The following DCD variants were observed in gnomAD, a reference collection of about 807,000 sequenced individuals.
DCD encodes dermcidin, also known as diffusible survival/evasion peptide.
A neutral mutation model predicts 14.5 loss-of-function variants in DCD; 17 were observed. The observed-to-expected ratio is 1.18, with a 90% CI of 0.81 to 1.76. DCD has a LOEUF of 1.76. DCD is among the 40% of genes most tolerant of loss of function. DCD has a pLI of 0.00. For synonymous variants in DCD, 64 were observed against 54.0 expected, an observed-to-expected ratio of 1.19 and a Z score of -0.82; for missense variants, 139 against 133.4, an observed-to-expected ratio of 1.04 and a Z score of -0.21.
chr12:54,645,865 T>C (rs1958256517), intron 2 of DCD, 158 bp from the exon 3 acceptor site: 4 of 632,556 alleles, frequency 6.3e-6, no homozygotes, highest in Non-Finnish European at 1.1e-5. Flanking sequence ...TGTTAGGTTC[T>C]TTAGCATCCC....
At position 54,647,129 on chromosome 12, in the gene DCD, G is replaced by C; in HGVS notation, c.89C>G (p.Ser30Trp). Residue 30 changes from serine to tryptophan, a missense_variant, in exon 2 of 5, where the codon TCG (serine) becomes TGG (tryptophan). Physicochemically the swap from Ser to Trp is radical, Grantham distance 177 (BLOSUM62 -3). Coordinates refer to ENST00000293371, the MANE Select transcript of DCD (RefSeq NM_053283.4). ...YDPEAASAPG[S>W]GNPCHEASAA... ...GAAGAGAAAGGACTCACGGTTCCCCGATCCTGGGGCAGAGGCGGCCTCTGG... is the reference window on the plus strand; with the variant it reads ...GAAGAGAAAGGACTCACGGTTCCCCCATCCTGGGGCAGAGGCGGCCTCTGG... The C allele has an allele frequency of 2.6e-6, 4 of 1,560,728 alleles. No homozygotes were observed. Among genetic ancestry groups the C allele is most frequent in the Non-Finnish European group, 2.6e-6 (3 of 1,151,564 alleles).
In DCD at chr12:54,645,694, T is replaced by C; in HGVS notation, c.111A>G (p.Ala37=). 1 of 1,614,112 alleles carries C rather than the reference T, an allele frequency of 6.2e-7. No individual in the cohort carries two copies. The highest frequency in any genetic ancestry group is 1.3e-5 in the African/African-American group (1 of 75,060). The change falls in exon 3 of 5, where the codon GCA becomes GCG. Residue 37 remains alanine, a synonymous_variant. Coordinates refer to ENST00000293371, the MANE Select transcript of DCD (RefSeq NM_053283.4). The stretch of plus-strand genomic sequence containing the variant: ...CTGCATTTTCCTTTTGAGCTGCTGA[T>C]GCTTCATGGCAAGCTGCAAGGGTAA... ...APGSGNPCHE[A]SAAQKENAGE...
intron 4 of DCD, 94 bp downstream of exon 4, chr12:54,645,079 G>T: frequency 6.8e-7 from 1 of 1,481,480 alleles, no homozygotes; most frequent in Non-Finnish European, 9.4e-7. Context: ...CAAAGTGAGG[G>T]GTCTTCAATG....
intron 1 of DCD, among the ~76,000 whole-genome samples, 193 bp downstream of exon 1, chr12:54,648,053 G>A (rs913583923): frequency 6.6e-6 from 1 of 152,234 alleles, no homozygotes. Context: ...TGGAGAGCCA[G>A]GCTGGGGCCA....
intron 2 of DCD, 53 bp from the exon 3 acceptor site, chr12:54,645,760 TGGTC>T: frequency 6.6e-7 from 1 of 1,513,114 alleles, no homozygotes; most frequent in East Asian, 2.3e-5. Flanking sequence ...CTTTCCACCC[TGGTC>T]GGGGAGCAGG....
At chr12:54,646,016 A>C in intron 2 of DCD, 1 of 464,392 alleles carries the variant, frequency 2.2e-6, no homozygotes, top group Non-Finnish European at 4.3e-6. Context: ...TTCATCCCTT[A>C]TACCAGCCCC....
intron 1 of DCD, among the ~76,000 whole-genome samples, chr12:54,647,460 G>C (rs891955154): frequency 1.3e-5 from 2 of 152,184 alleles, no homozygotes; most frequent in African/African-American, 2.4e-5. Flanking sequence ...AGTTGAAGGG[G>C]CATGACCACG....
chr12:54,644,856 A>C, intron 4 of DCD, 100 bp from the exon 5 acceptor site: 2 of 1,550,906 alleles, frequency 1.3e-6, no homozygotes, highest in Non-Finnish European at 1.7e-6. Flanking sequence ...GGGAAGGGGA[A>C]GGGGAAGGGA....
rs928451295 is a variant in DCD at position 54,644,612 on chromosome 12, T to C, written c.*101A>G. ...AGTATTACAGATGCTTTCAGTTTAA[T>C]AGCTGTTTTAAATTTTTTTTTTTTT... On this transcript the variant is annotated 3_prime_UTR_variant, in exon 5 of 5. Transcript: ENST00000293371. 9.0e-5 allele frequency: 79 copies of C among 881,394 alleles called. No homozygotes were observed. In the Middle Eastern group the frequency reaches 3.4e-3, roughly 38 times the overall value. The allele number at this position is 881,394 out of a possible 1,614,324, so 54.6% of individuals were successfully genotyped here. A position where few individuals can be genotyped will look rare whatever the true frequency, so the allele number is the denominator to read the frequency against.
chr12:54,645,655 C>A lies in DCD; in HGVS notation c.150G>T (p.Gly50=). The change falls in exon 3 of 5, where the codon GGG becomes GGT. Residue 50 remains glycine (G), a synonymous_variant. Coordinates refer to ENST00000293371, the MANE Select transcript of DCD (RefSeq NM_053283.4). ...AQKENAGEDP[G]LARQAPKPRK... The stretch of plus-strand genomic sequence containing the variant: ...TTGGCTTTGGTGCCTGTCTGGCTAA[C>A]CCTGGGTCTTCACCTGCATTTTCCT... 6.2e-7 allele frequency: 1 copy of A among 1,614,138 alleles called. No individual in the cohort carries two copies. The highest frequency in any genetic ancestry group is 1.1e-5 in the South Asian group (1 of 91,086).
Position 54,648,275 on chromosome 12 carries a change from G to A in DCD, c.29C>T (p.Thr10Ile). Residue 10 changes from threonine to isoleucine, a missense_variant, in exon 1 of 5, where the codon ACA becomes ATA. Coordinates refer to ENST00000293371, the MANE Select transcript of DCD (RefSeq NM_053283.4). ...ACAGACCAGGGCTCCTGCCAGAGCT[G>A]TCAGGAAGAGGAGAGTCATGAACCT... Reference protein sequence around the residue: MRFMTLLFLTALAGALVCAY... With the variant: MRFMTLLFLIALAGALVCAY... 1 of 1,614,020 alleles carries A rather than the reference G, an allele frequency of 6.2e-7. No homozygotes were observed. Among genetic ancestry groups the A allele is most frequent in the Non-Finnish European group, 8.5e-7 (1 of 1,179,964 alleles).
Position 54,645,015 on chromosome 12 carries a change from C to T in DCD, c.289+158G>A, listed in dbSNP as rs115204038. Reference sequence around the variant, plus strand: ...GTTAGACCCCAGGAAGTATCAATATCAGACAAGAATGGCAATTTAAATCTG... The same window carrying T: ...GTTAGACCCCAGGAAGTATCAATATTAGACAAGAATGGCAATTTAAATCTG... On this transcript the variant is annotated intron_variant, in intron 4 of 4. Coordinates refer to ENST00000293371, the MANE Select transcript of DCD (RefSeq NM_053283.4). The T allele has an allele frequency of 7.0e-4, 1,055 of 1,507,766 alleles. 6 individuals carry two copies. The African/African-American group carries it at 0.012, about 18-fold the overall frequency. 93.4% of individuals were successfully genotyped at this position (1,507,766 alleles called of 1,614,324 possible). A position where few individuals can be genotyped will look rare whatever the true frequency, so the allele number is the denominator to read the frequency against.
chr12:54,646,659 T>C (rs543752736), intron 2 of DCD, among the ~76,000 whole-genome samples: 3 of 152,120 alleles, frequency 2.0e-5, no homozygotes, highest in Non-Finnish European at 4.4e-5. Context: ...ATGTGGAGAA[T>C]GCAAGCAGTG....
rs754377395 is a variant in DCD at position 54,645,180 on chromosome 12, C to T, written c.282G>A (p.Val94=). Residue 94 remains valine (V), a synonymous_variant, in exon 4 of 5, where the codon GTG becomes GTA. Transcript: ENST00000293371. ...GTGGGGACATATACTCACCTTTACC[C>T]ACGCTTTCTAGATCTTCGACTGCAT... ...GKDAVEDLES[V]GKGAVHDVKD... The T allele has an allele frequency of 6.2e-7, 1 of 1,614,050 alleles. No individual in the cohort carries two copies. The highest frequency in any genetic ancestry group is 2.2e-5 in the East Asian group (1 of 44,876).
Position 54,644,624 on chromosome 12 carries a change from A to ATTTTTTTTTTTTTTTTTTTTTT in DCD, c.*67_*88dup, listed in dbSNP as rs11338265. On this transcript the variant is annotated 3_prime_UTR_variant, in exon 5 of 5. Transcript: ENST00000293371. The stretch of plus-strand genomic sequence containing the variant: ...GCTTTCAGTTTAATAGCTGTTTTAA[A>ATTTTTTTTTTTTTTTTTTTTTT]TTTTTTTTTTTTTTTTTTTTTTTAG... 1 of 607,442 alleles carries ATTTTTTTTTTTTTTTTTTTTTT rather than the reference A, an allele frequency of 1.6e-6. No homozygotes were observed. Among genetic ancestry groups the ATTTTTTTTTTTTTTTTTTTTTT allele is most frequent in the Non-Finnish European group, 2.7e-6 (1 of 368,292 alleles). The allele number at this position is 607,442 out of a possible 1,614,324, so 37.6% of individuals were successfully genotyped here.
rs1480339700 is a variant in DCD, at chr12:54,648,360, G to A, written c.-57C>T. On this transcript the variant is annotated 5_prime_UTR_variant, in exon 1 of 5. Transcript: ENST00000293371. ...AATCCTTGGAGATCTTGGGATCTAG[G>A]GTGTCAAGACTGCCTCTCTGGGCCT... 6.2e-7 allele frequency: 1 copy of A among 1,610,078 alleles called. No individual in the cohort carries two copies. The highest frequency in any genetic ancestry group is 8.5e-7 in the Non-Finnish European group (1 of 1,178,120).
Position 54,644,624 on chromosome 12 carries a change from ATTT to A in DCD, c.*86_*88del, listed in dbSNP as rs11338265. The A allele has an allele frequency of 0.014, 9,183 of 642,512 alleles. No individual in the cohort carries two copies. Among genetic ancestry groups the A allele is most frequent in the South Asian group, 0.018 (836 of 46,900 alleles). 39.8% of individuals were successfully genotyped at this position (642,512 alleles called of 1,614,324 possible). Reference sequence around the variant, plus strand: ...GCTTTCAGTTTAATAGCTGTTTTAAATTTTTTTTTTTTTTTTTTTTTTTAGGTT... The same window carrying A: ...GCTTTCAGTTTAATAGCTGTTTTAAATTTTTTTTTTTTTTTTTTTTAGGTT... On this transcript the variant is annotated 3_prime_UTR_variant, in exon 5 of 5. Coordinates refer to ENST00000293371, the MANE Select transcript of DCD (RefSeq NM_053283.4).
chr12:54,647,912 T>C (rs1385151882), intron 1 of DCD, among the ~76,000 whole-genome samples: 1 of 151,764 alleles, frequency 6.6e-6, no homozygotes, highest in Non-Finnish European at 1.5e-5. Flanking sequence ...GGTGAAATAA[T>C]GGGCAGGGGA....
intron 2 of DCD, 81 bp from the exon 3 acceptor site, chr12:54,645,788 C>A (rs1958255773): frequency 1.7e-6 from 2 of 1,176,894 alleles, no homozygotes; most frequent in South Asian, 1.3e-5. Flanking sequence ...TGCTTTTACC[C>A]CCTCAAGGTC....
Sources: allele counts gnomAD v4.1 joint callset (sites outside exome capture counted in the v4.1 genomes callset), GRCh38; gene constraint gnomAD v4.1.1; transcripts MANE v1.5; gene names NCBI Gene and HGNC (gene_info 2026-07-23, HGNC 2026-07-21).